Variants in ACO2 observed in about 807,000 individuals in gnomAD.
ACO2 encodes the protein aconitase 2, also known as aconitate hydratase, mitochondrial.
Under a neutral mutation model 84.5 loss-of-function variants are expected in ACO2, and 31 were observed. The observed-to-expected ratio is 0.37, with a 90% CI of 0.28 to 0.50. The LOEUF (loss-of-function observed/expected upper bound fraction) is 0.50, where lower values mean the gene tolerates loss of function less well. Among genes scored for constraint, ACO2 ranks in the 20% least tolerant of loss-of-function variants. The probability of loss-of-function intolerance (pLI) is 0.97; values close to 1 mark genes in which losing one functional copy is unlikely to be tolerated. For missense variants in ACO2, 685 were observed against 1,029.3 expected, an observed-to-expected ratio of 0.67 and a Z score of 4.58; for synonymous variants, 414 against 412.7, an observed-to-expected ratio of 1.00 and a Z score of -0.04.
chr22:41,516,183 A>G, intron 6 of ACO2: 1 of 611,036 alleles, frequency 1.6e-6, no homozygotes, highest in South Asian at 2.0e-5. Flanking sequence ...GTTAGGAGCC[A>G]AGTCAGCTTC....
intron 1 of ACO2, among the ~76,000 whole-genome samples, chr22:41,486,322 C>A (rs947704989): frequency 6.6e-6 from 1 of 152,076 alleles, no homozygotes; most frequent in Admixed American, 6.6e-5. Flanking sequence ...GAGACGGAGT[C>A]TCGCTCTGTC....
At chr22:41,500,388 A>C (rs1321526778) in intron 2 of ACO2, among the ~76,000 whole-genome samples, 1 of 147,750 alleles carries the variant, frequency 6.8e-6, no homozygotes, top group Admixed American at 6.8e-5. Flanking sequence ...AATATATATA[A>C]ATATATATAT....
intron 1 of ACO2, among the ~76,000 whole-genome samples, chr22:41,482,259 C>T (rs2038096534): frequency 6.6e-6 from 1 of 152,232 alleles, no homozygotes; most frequent in South Asian, 2.1e-4. Context: ...ACCAACAACC[C>T]CCTGGAGGAC....
At chr22:41,499,505 A>G (rs1319715755) in intron 1 of ACO2, among the ~76,000 whole-genome samples, 2 of 152,086 alleles carry the variant, frequency 1.3e-5, no homozygotes, top group Non-Finnish European at 2.9e-5. Flanking sequence ...GATCCCAGCG[A>G]TTTTTGTCTA....
intron 1 of ACO2, among the ~76,000 whole-genome samples, chr22:41,496,894 G>A (rs1220899464): frequency 1.3e-5 from 2 of 152,052 alleles, no homozygotes; most frequent in African/African-American, 2.4e-5. Context: ...GCTGCTCTGG[G>A]TACATACTGG....
In ACO2 at chr22:41,509,828, T is replaced by TC. The variant is rs1250856989; in HGVS notation, c.432+1779_432+1780insC. ...AAAGAATATGGTCTTTTTTTTTTTT[T>TC]TTTTTTTGAGACAGAGTCTTGCTCT... On this transcript the variant is annotated intron_variant, in intron 3 of 17. Transcript: ENST00000216254. Among the ~76,000 whole-genome samples the TC allele has an allele frequency of 3.4e-5, 5 of 148,018 alleles. No homozygotes were observed. In the East Asian group the frequency reaches 9.8e-4, roughly 29 times the overall value.
chr22:41,496,666 G>A (rs924391555), intron 1 of ACO2, among the ~76,000 whole-genome samples: 2 of 152,174 alleles, frequency 1.3e-5, no homozygotes, highest in Non-Finnish European at 2.9e-5. Context: ...CACGCACTGT[G>A]GAAGGTCCTT....
At chr22:41,503,321 T>C (rs2146110058) in intron 2 of ACO2, among the ~76,000 whole-genome samples, 1 of 151,960 alleles carries the variant, frequency 6.6e-6, no homozygotes, top group East Asian at 1.9e-4. Context: ...GACGAGGGGA[T>C]TGTTCTCTGT....
chr22:41,485,316 T>TC (rs1290797154), intron 1 of ACO2, among the ~76,000 whole-genome samples: 5 of 151,972 alleles, frequency 3.3e-5, no homozygotes, highest in Admixed American at 6.6e-5. Context: ...GTCTTTTTTT[T>TC]CGAGATGGAG....
chr22:41,470,422 G>A (rs1324046406), intron 1 of ACO2, among the ~76,000 whole-genome samples: 1 of 150,196 alleles, frequency 6.7e-6, no homozygotes, highest in African/African-American at 2.4e-5. Flanking sequence ...TGCTTAAATT[G>A]AAACCATATG....
chr22:41,512,147 G>A (rs1301455519), intron 4 of ACO2, 179 bp downstream of exon 4: 3 of 516,190 alleles, frequency 5.8e-6, no homozygotes, highest in Non-Finnish European at 1.0e-5. Context: ...CATTATACGT[G>A]CTCATTTTCT....
At chr22:41,472,403 G>T (rs1025879373) in intron 1 of ACO2, among the ~76,000 whole-genome samples, 1 of 151,980 alleles carries the variant, frequency 6.6e-6, no homozygotes. Context: ...TTGTTAGTAG[G>T]TATGGTTTGA....
rs375633363 is a variant in ACO2 at position 41,521,035 on chromosome 22, CAAAAAAAA to C, written c.1138+776_1138+783del. Among the ~76,000 whole-genome samples, 64 of 81,624 alleles carry C rather than the reference CAAAAAAAA, an allele frequency of 7.8e-4. 1 individual carries two copies. Among genetic ancestry groups the C allele is most frequent in the Admixed American group, 5.1e-3 (48 of 9,406 alleles). The allele number at this position is 81,624 out of a possible 152,430, so 53.5% of individuals were successfully genotyped here. On this transcript the variant is annotated intron_variant, in intron 9 of 17. Transcript: ENST00000216254. Reference sequence around the variant, plus strand: ...AGACTCAAGCAACAGAGCCTGCCTCCAAAAAAAAAAAAAAAAAAAAAAAAGAAAGAAAA... The same window carrying C: ...AGACTCAAGCAACAGAGCCTGCCTCCAAAAAAAAAAAAAAAAGAAAGAAAA...
intron 6 of ACO2, 185 bp downstream of exon 6, chr22:41,516,102 A>T (rs1424313288): frequency 4.0e-6 from 3 of 749,042 alleles, no homozygotes; most frequent in Admixed American, 2.2e-5. Context: ...CCACATCCTC[A>T]TTAAACAGAT....
Position 41,527,914 on chromosome 22 carries a change from G to A in ACO2, c.2100G>A (p.Lys700=), listed in dbSNP as rs528913880. 3 of 1,614,198 alleles carry A rather than the reference G, an allele frequency of 1.9e-6. No individual in the cohort carries two copies. The highest frequency in any genetic ancestry group is 2.7e-5 in the African/African-American group (2 of 75,048). ...CCTGCTTTCCAGAGACCAACCTGAA[G>A]AAACAGGGCCTGCTGCCTCTGACCT... ...SFARIHETNL[K]KQGLLPLTFA... The change falls in exon 17 of 18, where the codon AAG becomes AAA. Residue 700 remains lysine (K), a synonymous_variant. Coordinates refer to ENST00000216254, the MANE Select transcript of ACO2 (RefSeq NM_001098.3).
chr22:41,475,649 C>G (rs868261095), intron 1 of ACO2, among the ~76,000 whole-genome samples: 4 of 151,992 alleles, frequency 2.6e-5, no homozygotes, highest in Non-Finnish European at 5.9e-5. Flanking sequence ...AATCCCAGCA[C>G]TTTGGGAGGC....
At position 41,474,535 on chromosome 22, in the gene ACO2, C is replaced by T. The variant is rs532530720; in HGVS notation, c.36+5353C>T. ...GTCTCAATCTCCTGACCTCATGATC[C>T]GCCCGCCTCTGCCTCCCAAAGTGCT... On this transcript the variant is annotated intron_variant, in intron 1 of 17. Coordinates refer to ENST00000216254, the MANE Select transcript of ACO2 (RefSeq NM_001098.3). Among the ~76,000 whole-genome samples the T allele has an allele frequency of 6.3e-3, 916 of 144,716 alleles. 24 individuals are homozygous for T. Among genetic ancestry groups the T allele is most frequent in the African/African-American group, 0.023 (866 of 38,070 alleles). 94.9% of individuals were successfully genotyped at this position (144,716 alleles called of 152,430 possible). A position where few individuals can be genotyped will look rare whatever the true frequency, so the allele number is the denominator to read the frequency against.
At chr22:41,496,523 A>G (rs1035735454) in intron 1 of ACO2, among the ~76,000 whole-genome samples, 1 of 152,138 alleles carries the variant, frequency 6.6e-6, no homozygotes. Flanking sequence ...ATTGTCCAGG[A>G]TCAGTAAGTT....
chr22:41,470,944 T>A (rs527808269), intron 1 of ACO2, among the ~76,000 whole-genome samples: 2 of 152,164 alleles, frequency 1.3e-5, no homozygotes, highest in Non-Finnish European at 2.9e-5. Context: ...ATAAGATAAA[T>A]GATTATAGAG....
Sources: gnomAD v4.1 joint callset for allele counts (sites outside exome capture counted in the v4.1 genomes callset) on GRCh38, gnomAD v4.1.1 for gene constraint, MANE v1.5 for transcripts, NCBI Gene and HGNC (gene_info 2026-07-23, HGNC 2026-07-21) for gene names.